SFSWAP: variants seen among roughly 807,000 people sequenced by gnomAD.
SFSWAP encodes splicing factor SWAP.
In SFSWAP, 17 loss-of-function variants were observed where a neutral mutation model predicts 100.7. The observed-to-expected ratio is 0.17, with a 90% CI of 0.12 to 0.25. The LOEUF (loss-of-function observed/expected upper bound fraction) is 0.25, where lower values mean the gene tolerates loss of function less well. Among genes scored for constraint, SFSWAP ranks in the 10% least tolerant of loss-of-function variants. The pLI is 1.00. For synonymous variants in SFSWAP, 504 were observed against 510.1 expected, an observed-to-expected ratio of 0.99 and a Z score of 0.16; for missense variants, 1,005 against 1,262.6, an observed-to-expected ratio of 0.80 and a Z score of 3.09.
intron 8 of SFSWAP, among the ~76,000 whole-genome samples, chr12:131,754,111 TG>T (rs1342522104): frequency 6.6e-6 from 1 of 152,122 alleles, no homozygotes; most frequent in East Asian, 1.9e-4. Context: ...AGCTTGTGAT[TG>T]GGGGGAAATG....
chr12:131,726,907 C>A, intron 5 of SFSWAP, 33 bp from the exon 6 acceptor site: 1 of 1,329,922 alleles, frequency 7.5e-7, no homozygotes. Flanking sequence ...TCTCACCAAA[C>A]ACCAAAATCT....
intron 14 of SFSWAP, among the ~76,000 whole-genome samples, chr12:131,782,754 T>C (rs1884592656): frequency 6.6e-6 from 1 of 152,246 alleles, no homozygotes; most frequent in Non-Finnish European, 1.5e-5. Context: ...ATGTATTTAG[T>C]ATGTCTAAGT....
At chr12:131,743,584 C>T (rs1377812915) in intron 7 of SFSWAP, among the ~76,000 whole-genome samples, 1 of 152,264 alleles carries the variant, frequency 6.6e-6, no homozygotes, top group African/African-American at 2.4e-5. Flanking sequence ...AGGGTACAAC[C>T]TCCCTCCCGG....
intron 4 of SFSWAP, among the ~76,000 whole-genome samples, chr12:131,722,322 G>A (rs978404966): frequency 1.3e-5 from 2 of 152,172 alleles, no homozygotes; most frequent in Non-Finnish European, 1.5e-5. Context: ...AGCTCTTTGG[G>A]AGACTAAGGT....
intron 7 of SFSWAP, among the ~76,000 whole-genome samples, chr12:131,747,020 C>T (rs1566023696): frequency 1.4e-5 from 2 of 147,692 alleles, no homozygotes; most frequent in African/African-American, 5.0e-5. Flanking sequence ...AGGAGAATGG[C>T]ATCAACCCGG....
chr12:131,785,173 A>G (rs990377589), intron 14 of SFSWAP: 2 of 1,535,582 alleles, frequency 1.3e-6, no homozygotes, highest in Non-Finnish European at 8.7e-7. Flanking sequence ...AGCCTCGACC[A>G]CCACCAGATT....
chr12:131,750,127 G>T (rs543711589), intron 7 of SFSWAP, among the ~76,000 whole-genome samples: 1 of 152,334 alleles, frequency 6.6e-6, no homozygotes. Context: ...TCCCACCAGG[G>T]CCACAGTGTC....
chr12:131,715,612 TACCAC>T (rs1407679744), intron 3 of SFSWAP, among the ~76,000 whole-genome samples: 4 of 152,244 alleles, frequency 2.6e-5, no homozygotes, highest in Non-Finnish European at 5.9e-5. Flanking sequence ...AGAGCTCCAC[TACCAC>T]AGCGCTGCAT....
chr12:131,711,529 T>C lies in SFSWAP; in HGVS notation c.218+82T>C. The C allele has an allele frequency of 8.3e-7, 1 of 1,204,700 alleles. No individual in the cohort carries two copies. Among genetic ancestry groups the C allele is most frequent in the Non-Finnish European group, 1.2e-6 (1 of 834,964 alleles). The allele number at this position is 1,204,700 out of a possible 1,614,324, so 74.6% of individuals were successfully genotyped here. On this transcript the variant is annotated intron_variant, in intron 1 of 17. Transcript: ENST00000261674. This position sits in a 1 kb window ranked among gnomAD's most constrained non-coding sequence, Gnocchi z 4.9. ...CTGATGTTGACTTGACTGCAAGGACTGCAGAGAGTTTTCTGGAGCCAGCGG... is the reference window on the plus strand; with the variant it reads ...CTGATGTTGACTTGACTGCAAGGACCGCAGAGAGTTTTCTGGAGCCAGCGG...
chr12:131,762,165 A>G (rs1312470512), intron 11 of SFSWAP, among the ~76,000 whole-genome samples: 3 of 152,114 alleles, frequency 2.0e-5, no homozygotes, highest in Non-Finnish European at 1.5e-5. Context: ...CCTGGGAGGC[A>G]GAAGTTGCAG....
chr12:131,772,001 A>C (rs1298734714), intron 13 of SFSWAP, among the ~76,000 whole-genome samples: 1 of 152,008 alleles, frequency 6.6e-6, no homozygotes, highest in Non-Finnish European at 1.5e-5. Flanking sequence ...TGCCTTTTGA[A>C]CTGGCTTTCC....
Position 131,778,019 on chromosome 12 carries a change from T to C in SFSWAP, c.2143-46T>C, listed in dbSNP as rs371218777. 2.9e-4 allele frequency: 459 copies of C among 1,574,206 alleles called. No individual in the cohort carries two copies. Among genetic ancestry groups the C allele is most frequent in the Non-Finnish European group, 3.9e-4 (451 of 1,166,530 alleles). ...AAATTTTATAGATATACATCTTCAA[T>C]GTTCTGTTTTCCCTGTTAACACCCA... is the stretch of plus-strand genomic sequence containing the variant. On this transcript the variant is annotated intron_variant, in intron 13 of 17. Transcript: ENST00000261674. The surrounding 1 kb of genome is among the most constrained non-coding windows in gnomAD (Gnocchi z 4.2).
intron 13 of SFSWAP, among the ~76,000 whole-genome samples, chr12:131,772,781 G>T (rs1016190326): frequency 6.6e-6 from 1 of 152,210 alleles, no homozygotes; most frequent in Non-Finnish European, 1.5e-5. Context: ...TTTACACCCT[G>T]CCCTCTTGGT....
chr12:131,735,180 TC>T (rs1395446728), intron 7 of SFSWAP, among the ~76,000 whole-genome samples: 1 of 151,918 alleles, frequency 6.6e-6, no homozygotes, highest in Non-Finnish European at 1.5e-5. Context: ...AAAAATCAAG[TC>T]CCCACAACCT....
At chr12:131,717,499 G>C (rs1021275110) in intron 3 of SFSWAP, among the ~76,000 whole-genome samples, 13 of 152,104 alleles carry the variant, frequency 8.5e-5, no homozygotes, top group Admixed American at 7.2e-4. Context: ...TGAGTTTGTA[G>C]TGCAATGGTT....
At position 131,764,452 on chromosome 12, in the gene SFSWAP, A is replaced by G; in HGVS notation, c.1721-4A>G. 6.2e-7 allele frequency: 1 copy of G among 1,612,306 alleles called. No individual in the cohort carries two copies. The highest frequency in any genetic ancestry group is 8.5e-7 in the Non-Finnish European group (1 of 1,178,382). ...GTATCATAATTCTCACCTTTCCTCA[A>G]TAGCTTCCTTTGCTCCAATAAGCTT... On this transcript the variant is annotated splice_polypyrimidine_tract_variant and splice_region_variant and intron_variant, in intron 11 of 17. Coordinates refer to ENST00000261674, the MANE Select transcript of SFSWAP (RefSeq NM_004592.4).
intron 7 of SFSWAP, among the ~76,000 whole-genome samples, chr12:131,751,761 C>G (rs897052762): frequency 3.9e-5 from 6 of 152,270 alleles, no homozygotes; most frequent in African/African-American, 1.4e-4. Flanking sequence ...ACAGGACCTG[C>G]CGCTGCAGGA....
At chr12:131,737,421 G>A (rs536611693) in intron 7 of SFSWAP, among the ~76,000 whole-genome samples, 71 of 152,314 alleles carry the variant, frequency 4.7e-4, no homozygotes, top group African/African-American at 1.7e-3. Context: ...AGCGTGACTC[G>A]TCACCCTCTC....
At chr12:131,765,737 T>G (rs1445486464) in intron 12 of SFSWAP, among the ~76,000 whole-genome samples, 1 of 152,214 alleles carries the variant, frequency 6.6e-6, no homozygotes, top group Non-Finnish European at 1.5e-5. Flanking sequence ...AGCAAACTTG[T>G]ACTCATGCCT....
Sources: allele counts gnomAD v4.1 joint callset (sites outside exome capture counted in the v4.1 genomes callset), GRCh38; gene constraint gnomAD v4.1.1; non-coding constraint Gnocchi (gnomAD v3.1); transcripts MANE v1.5; gene names NCBI Gene and HGNC (gene_info 2026-07-23, HGNC 2026-07-21).